Variants in GLUL observed in about 807,000 individuals in gnomAD.
GLUL encodes the protein glutamine synthetase.
Under a neutral mutation model 36.9 loss-of-function variants are expected in GLUL, and 8 were observed. That is an observed-to-expected ratio of 0.22 (90% CI 0.13 to 0.39). The LOEUF is 0.39. GLUL is among the 10% of genes least tolerant of loss of function. The pLI is 1.00. For synonymous variants in GLUL, 182 were observed against 172.8 expected, an observed-to-expected ratio of 1.05 and a Z score of -0.42; for missense variants, 315 against 501.8, an observed-to-expected ratio of 0.63 and a Z score of 3.56.
rs1160685870 is a variant in GLUL at position 182,383,883 on chromosome 1, C to T, written c.*522G>A. The stretch of plus-strand genomic sequence containing the variant: ...GCATTTAGTCCCAAGCCAGGCTAGT[C>T]CCACAAGCAAGAGACCAAAGCCATT... On this transcript the variant is annotated 3_prime_UTR_variant, in exon 7 of 7. Transcript: ENST00000331872. 2 of 176,310 alleles carry T rather than the reference C, an allele frequency of 1.1e-5. No individual in the cohort carries two copies. Among genetic ancestry groups the T allele is most frequent in the Non-Finnish European group, 2.5e-5 (2 of 81,006 alleles). 10.9% of individuals were successfully genotyped at this position (176,310 alleles called of 1,614,324 possible).
At chr1:182,385,054 T>C in intron 6 of GLUL, 1 of 261,314 alleles carries the variant, frequency 3.8e-6, no homozygotes, top group South Asian at 6.0e-5. Flanking sequence ...GTCACAAATA[T>C]ATATATCGAT....
chr1:182,383,077 T>TA lies in GLUL; in HGVS notation c.*1327dup, dbSNP rs933829374. 1 of 151,564 alleles carries TA rather than the reference T, an allele frequency of 6.6e-6. No homozygotes were observed. The highest frequency in any genetic ancestry group is 1.9e-4 in the East Asian group (1 of 5,152). 9.4% of individuals were successfully genotyped at this position (151,564 alleles called of 1,614,324 possible). On this transcript the variant is annotated 3_prime_UTR_variant, in exon 7 of 7. Transcript: ENST00000331872. ...GAAAATGGTAGATGAAATGAAGGAA[T>TA]AAAGGTGGGGTTTATTCCTTATTAT...
rs1650014827 is a variant in GLUL at position 182,383,240 on chromosome 1, T to C, written c.*1165A>G. On this transcript the variant is annotated 3_prime_UTR_variant, in exon 7 of 7. Coordinates refer to ENST00000331872, the MANE Select transcript of GLUL (RefSeq NM_001033044.4). ...CAGTTGAAGCAAACAAGCAATTCTG[T>C]AAAAATTACCTAGAAACCCTACAAA... 6.6e-6 allele frequency: 1 copy of C among 152,322 alleles called. No homozygotes were observed. Among genetic ancestry groups the C allele is most frequent in the Middle Eastern group, 3.4e-3 (1 of 294 alleles). 9.4% of individuals were successfully genotyped at this position (152,322 alleles called of 1,614,324 possible). A position where few individuals can be genotyped will look rare whatever the true frequency, so the allele number is the denominator to read the frequency against.
At position 182,381,224 on chromosome 1, in the gene GLUL, G is replaced by A. The variant is rs977680607; in HGVS notation, c.*3181C>T. Among the ~76,000 whole-genome samples, 7 of 152,136 alleles carry A rather than the reference G, an allele frequency of 4.6e-5. No individual in the cohort carries two copies. Among genetic ancestry groups the A allele is most frequent in the Non-Finnish European group, 7.4e-5 (5 of 68,026 alleles). On this transcript the variant is annotated 3_prime_UTR_variant, in exon 7 of 7. Transcript: ENST00000331872. ...AGAAGTTGCAGTGAGCCAAGATTGCGCCACACTATACTCCAGCCTGGGTGA... is the reference window on the plus strand; with the variant it reads ...AGAAGTTGCAGTGAGCCAAGATTGCACCACACTATACTCCAGCCTGGGTGA...
chr1:182,390,287 C>T (rs1273967158), intron 1 of GLUL: 1 of 388,064 alleles, frequency 2.6e-6, no homozygotes, highest in East Asian at 3.7e-5. Flanking sequence ...TGTTACACCA[C>T]CAATATCATG....
In GLUL at chr1:182,380,237, C is replaced by T. The variant is rs1424869038; in HGVS notation, c.*4168G>A. Among the ~76,000 whole-genome samples, 4 of 152,218 alleles carry T rather than the reference C, an allele frequency of 2.6e-5. No individual in the cohort carries two copies. The highest frequency in any genetic ancestry group is 4.1e-4 in the South Asian group (2 of 4,834). ...CACTATTTTCCACAGTACACTCCCACGAAGTTTTTAGTGCTGCCATAATGT... is the reference window on the plus strand; with the variant it reads ...CACTATTTTCCACAGTACACTCCCATGAAGTTTTTAGTGCTGCCATAATGT... On this transcript the variant is annotated 3_prime_UTR_variant, in exon 7 of 7. Coordinates refer to ENST00000331872, the MANE Select transcript of GLUL (RefSeq NM_001033044.4).
rs1264534522 is a variant in GLUL, at chr1:182,388,592, C to T, written c.146G>A (p.Ser49Asn). The T allele has an allele frequency of 1.2e-6, 2 of 1,613,842 alleles. No homozygotes were observed. The highest frequency in any genetic ancestry group is 2.2e-5 in the East Asian group (1 of 44,896). Reference protein sequence around the residue: ...GLRCKTRTLDSEPKCVEELPE... With the variant: ...GLRCKTRTLDNEPKCVEELPE... ...CTCACCTTCCACACACTTGGGCTCA[C>T]TGTCCAGGGTCCGGGTCTTGCAGCG... is the stretch of plus-strand genomic sequence containing the variant. Residue 49 changes from serine (S) to asparagine (N), a missense_variant, in exon 2 of 7, where the codon AGT becomes AAT. Physicochemically the swap from Ser to Asn is conservative, Grantham distance 46 (BLOSUM62 1). Around this residue, in one of 3 missense-constraint regions of GLUL, gnomAD observed 256 missense variants for 396.1 expected, o/e 0.65. Coordinates refer to ENST00000331872, the MANE Select transcript of GLUL (RefSeq NM_001033044.4).
rs182932991 is a variant in GLUL, at chr1:182,383,549, G to T, written c.*856C>A. ...GTGGGCAGGGCAGAAACCCAAAAGG[G>T]TCTTGAGGGCCTAATCCCAGATCAC... On this transcript the variant is annotated 3_prime_UTR_variant, in exon 7 of 7. Coordinates refer to ENST00000331872, the MANE Select transcript of GLUL (RefSeq NM_001033044.4). The T allele has an allele frequency of 6.6e-6, 1 of 152,228 alleles. No homozygotes were observed. The highest frequency in any genetic ancestry group is 2.4e-5 in the African/African-American group (1 of 41,538). 9.4% of individuals were successfully genotyped at this position (152,228 alleles called of 1,614,324 possible).
rs538361884 is a variant in GLUL at position 182,383,425 on chromosome 1, T to C, written c.*980A>G. On this transcript the variant is annotated 3_prime_UTR_variant, in exon 7 of 7. Coordinates refer to ENST00000331872, the MANE Select transcript of GLUL (RefSeq NM_001033044.4). The stretch of plus-strand genomic sequence containing the variant: ...CAGCCAACTCTTATCTCTAAACCTA[T>C]GTGGACAAGTGTGTCTTTTAAACCA... The C allele has an allele frequency of 6.6e-6, 1 of 152,200 alleles. No individual in the cohort carries two copies. The highest frequency in any genetic ancestry group is 1.5e-5 in the Non-Finnish European group (1 of 68,042). 9.4% of individuals were successfully genotyped at this position (152,200 alleles called of 1,614,324 possible).
chr1:182,385,564 C>A lies in GLUL; in HGVS notation c.604-8G>T. On this transcript the variant is annotated splice_polypyrimidine_tract_variant and splice_region_variant and intron_variant, in intron 5 of 6. Coordinates refer to ENST00000331872, the MANE Select transcript of GLUL (RefSeq NM_001033044.4). ...TCCAATCTGAAATTCCCACTAGAAA[C>A]GAGAAGCTTGGCCATTAAAACAAAG... The A allele has an allele frequency of 6.2e-7, 1 of 1,613,394 alleles. No homozygotes were observed. Among genetic ancestry groups the A allele is most frequent in the African/African-American group, 1.3e-5 (1 of 75,018 alleles).
At chr1:182,387,378 C>T in intron 2 of GLUL, 86 bp from the exon 3 acceptor site, 1 of 940,764 alleles carries the variant, frequency 1.1e-6, no homozygotes, top group Non-Finnish European at 1.8e-6. Flanking sequence ...CACTCACCTT[C>T]CCATCTCTAA....
At position 182,379,874 on chromosome 1, in the gene GLUL, C is replaced by T. The variant is rs1649866868; in HGVS notation, c.*4531G>A. 7.6e-6 allele frequency among the ~76,000 whole-genome samples: 1 copy of T among 131,206 alleles called. No individual in the cohort carries two copies. Among genetic ancestry groups the T allele is most frequent in the Non-Finnish European group, 1.6e-5 (1 of 63,438 alleles). The allele number at this position is 131,206 out of a possible 152,430, so 86.1% of individuals were successfully genotyped here. ...TTTTTTTTTTTTTGAGATGGAGTTT[C>T]CCTCTTGTTGCCCAGGCTGGAGTAC... On this transcript the variant is annotated 3_prime_UTR_variant, in exon 7 of 7. Transcript: ENST00000331872.
At chr1:182,387,006 T>G (rs1345455121) in intron 3 of GLUL, 125 bp downstream of exon 3, 1 of 796,016 alleles carries the variant, frequency 1.3e-6, no homozygotes, top group African/African-American at 1.7e-5. Flanking sequence ...AAAGAATCAC[T>G]CAGATTCTTA....
chr1:182,387,238 T>C lies in GLUL; in HGVS notation c.221A>G (p.Asn74Ser), dbSNP rs1650222456. Reference sequence around the variant, plus strand: ...AGCAGGCACGAGATACATGTCACTGTTGGAACCCTCAGACTGTAAAGTACT... The same window carrying C: ...AGCAGGCACGAGATACATGTCACTGCTGGAACCCTCAGACTGTAAAGTACT... The part of the protein sequence containing the change: ...GSSTLQSEGS[N>S]SDMYLVPAAM... The change falls in exon 3 of 7, where the codon AAC (asparagine) becomes AGC (serine). Residue 74 changes from asparagine (N) to serine (S), a missense_variant. Around this residue, in one of 3 missense-constraint regions of GLUL, gnomAD observed 256 missense variants for 396.1 expected, o/e 0.65. Transcript: ENST00000331872. 1.2e-6 allele frequency: 2 copies of C among 1,612,760 alleles called. No individual in the cohort carries two copies. The highest frequency in any genetic ancestry group is 1.1e-5 in the South Asian group (1 of 91,046).
At chr1:182,385,977 T>G in intron 4 of GLUL, 90 bp from the exon 5 acceptor site, 1 of 1,332,198 alleles carries the variant, frequency 7.5e-7, no homozygotes, top group Non-Finnish European at 1.1e-6. Context: ...CCTTGCCCTC[T>G]TGAATCACTA....
rs148640345 is a variant in GLUL, at chr1:182,385,250, T to C, written c.803+107A>G. ...GTCAAGTTTACTCATCTTTGGCAAA[T>C]ATTTGCAAGTCATCCTGCAAAGGAG... is the stretch of plus-strand genomic sequence containing the variant. On this transcript the variant is annotated intron_variant, in intron 6 of 6. Transcript: ENST00000331872. 1,385 of 868,698 alleles carry C rather than the reference T, an allele frequency of 1.6e-3. 1 individual carries two copies. Among genetic ancestry groups the C allele is most frequent in the Non-Finnish European group, 1.9e-3 (992 of 516,330 alleles). 53.8% of individuals were successfully genotyped at this position (868,698 alleles called of 1,614,324 possible). A position where few individuals can be genotyped will look rare whatever the true frequency, so the allele number is the denominator to read the frequency against.
chr1:182,378,136 C>T lies in GLUL; in HGVS notation c.*6269G>A, dbSNP rs942470730. 6.6e-6 allele frequency among the ~76,000 whole-genome samples: 1 copy of T among 152,140 alleles called. No individual in the cohort carries two copies. Among genetic ancestry groups the T allele is most frequent in the African/African-American group, 2.4e-5 (1 of 41,416 alleles). On this transcript the variant is annotated 3_prime_UTR_variant, in exon 7 of 7. Transcript: ENST00000331872. ...TTTATTGAAAGGCAAATGCAGAAAG[C>T]CTTCAACACAGAGGATAGATTTAGT...
At position 182,385,538 on chromosome 1, in the gene GLUL, G is replaced by C. The variant is rs376298349; in HGVS notation, c.622C>G (p.Pro208Ala). The change falls in exon 6 of 7, where the codon CCT becomes GCT. Residue 208 changes from proline (P) to alanine (A), a missense_variant. Physicochemically the swap from Pro to Ala is conservative, Grantham distance 27. This residue lies in a region of GLUL where 256 missense variants were observed against 396.1 expected (regional missense o/e 0.65). Coordinates refer to ENST00000331872, the MANE Select transcript of GLUL (RefSeq NM_001033044.4). ...MPAQWEFQIG[P>A]CEGISMGDHL... Reference sequence around the variant, plus strand: ...TCTCCCATGCTGATTCCTTCACAAGGTCCAATCTGAAATTCCCACTAGAAA... The same window carrying C: ...TCTCCCATGCTGATTCCTTCACAAGCTCCAATCTGAAATTCCCACTAGAAA... The C allele has an allele frequency of 1.1e-4, 179 of 1,613,844 alleles. No individual in the cohort carries two copies. Among genetic ancestry groups the C allele is most frequent in the Non-Finnish European group, 1.4e-4 (165 of 1,179,902 alleles).
rs905490658 is a variant in GLUL, at chr1:182,383,867, C to T, written c.*538G>A. 5.9e-6 allele frequency: 1 copy of T among 170,356 alleles called. No homozygotes were observed. Among genetic ancestry groups the T allele is most frequent in the Non-Finnish European group, 1.3e-5 (1 of 77,362 alleles). The allele number at this position is 170,356 out of a possible 1,614,324, so 10.6% of individuals were successfully genotyped here. On this transcript the variant is annotated 3_prime_UTR_variant, in exon 7 of 7. Coordinates refer to ENST00000331872, the MANE Select transcript of GLUL (RefSeq NM_001033044.4). ...TCGTGTTCAGAGCAGGGCATTTAGT[C>T]CCAAGCCAGGCTAGTCCCACAAGCA...
Sources: allele counts gnomAD v4.1 joint callset (sites outside exome capture counted in the v4.1 genomes callset), GRCh38; gene constraint gnomAD v4.1.1; regional missense constraint gnomAD v4.1.1; transcripts MANE v1.5; gene names NCBI Gene and HGNC (gene_info 2026-07-23, HGNC 2026-07-21).